The following ACAD10 variants were observed in gnomAD, a reference collection of about 807,000 sequenced individuals.
ACAD10 encodes acyl-CoA dehydrogenase family member 10.
Under a neutral mutation model 116.8 loss-of-function variants are expected in ACAD10, and 112 were observed. That is an observed-to-expected ratio of 0.96 (90% CI 0.82 to 1.12). ACAD10 has a LOEUF of 1.12. ACAD10 is among the 50% of genes most tolerant of loss of function. The pLI, the probability that ACAD10 is intolerant of heterozygous loss-of-function variation, is 0.00. For missense variants in ACAD10, 1,259 were observed against 1,350.2 expected, an observed-to-expected ratio of 0.93 and a Z score of 1.06; for synonymous variants, 486 against 510.6, an observed-to-expected ratio of 0.95 and a Z score of 0.65.
chr12:111,716,203 C>T (rs1888842378), intron 7 of ACAD10, among the ~76,000 whole-genome samples: 1 of 151,970 alleles, frequency 6.6e-6, no homozygotes, highest in Non-Finnish European at 1.5e-5. Flanking sequence ...TGTTTCTACC[C>T]CCCATCCCCC....
At chr12:111,734,406 T>A (rs1367000706) in intron 11 of ACAD10, among the ~76,000 whole-genome samples, 7 of 152,126 alleles carry the variant, frequency 4.6e-5, no homozygotes, top group African/African-American at 1.7e-4. Context: ...GGCGGGTGGA[T>A]CACAAGGTCA....
rs755651114 is a variant in ACAD10 at position 111,755,875 on chromosome 12, A to G, written c.3039+130A>G. 4 of 958,162 alleles carry G rather than the reference A, an allele frequency of 4.2e-6. No individual in the cohort carries two copies. In the South Asian group the frequency reaches 5.3e-5, roughly 13 times the overall value. 59.4% of individuals were successfully genotyped at this position (958,162 alleles called of 1,614,324 possible). The stretch of plus-strand genomic sequence containing the variant: ...GTGTCACCCACTCACCATGCATGCA[A>G]CTTTCCTTTTCCTCTTCAGAATGAC... On this transcript the variant is annotated intron_variant, in intron 20 of 20. Transcript: ENST00000313698.
chr12:111,746,103 A>G, intron 13 of ACAD10, 41 bp from the exon 14 acceptor site: 1 of 1,596,018 alleles, frequency 6.3e-7, no homozygotes, highest in Non-Finnish European at 8.5e-7. Context: ...ATAAAATGAA[A>G]TCTTCCACTG....
intron 6 of ACAD10, among the ~76,000 whole-genome samples, chr12:111,713,294 G>C (rs1251130760): frequency 6.6e-6 from 1 of 151,106 alleles, no homozygotes; most frequent in Non-Finnish European, 1.5e-5. Context: ...CTGGGTGACA[G>C]AGCAAGACTC....
intron 8 of ACAD10, among the ~76,000 whole-genome samples, chr12:111,723,286 A>C (rs1185973578): frequency 1.9e-5 from 2 of 105,844 alleles, no homozygotes; most frequent in African/African-American, 3.8e-5. Flanking sequence ...GGCGCCCCTC[A>C]CCTCCCAGAC....
At position 111,746,187 on chromosome 12, in the gene ACAD10, T is replaced by TAAG. The variant is rs1368217859; in HGVS notation, c.2160_2161insAGA (p.Leu720_Glu721insArg). The TAAG allele has an allele frequency of 6.2e-7, 1 of 1,613,946 alleles. No homozygotes were observed. The highest frequency in any genetic ancestry group is 1.3e-5 in the African/African-American group (1 of 74,908). On this transcript the variant is annotated inframe_insertion, in exon 14 of 21. Coordinates refer to ENST00000313698, the MANE Select transcript of ACAD10 (RefSeq NM_025247.6). ...GGACTTTGGAACCTTTTCCTACCCT[T>TAAG]AGAGGCTGATCCCGAGAAAAAATAC...
chr12:111,712,768 T>A, intron 6 of ACAD10, 111 bp downstream of exon 6: 1 of 1,259,238 alleles, frequency 7.9e-7, no homozygotes, highest in Non-Finnish European at 1.1e-6. Context: ...AGCTTTACAG[T>A]GAGGAAAATA....
Position 111,753,829 on chromosome 12 carries a change from G to A in ACAD10, c.2875G>A (p.Asp959Asn), listed in dbSNP as rs769742789. 3.1e-6 allele frequency: 5 copies of A among 1,613,936 alleles called. No individual in the cohort carries two copies. The East Asian group carries it at 8.9e-5, about 29-fold the overall frequency. Residue 959 changes from aspartate (D) to asparagine (N), a missense_variant, in exon 19 of 21, where the codon GAC (aspartate) becomes AAC (asparagine). Physicochemically the swap from Asp to Asn is conservative, Grantham distance 23 (BLOSUM62 1). Coordinates refer to ENST00000313698, the MANE Select transcript of ACAD10 (RefSeq NM_025247.6). Reference protein sequence around the residue: ...PLVEQGTVLADIAQSRVEIEQ... With the variant: ...PLVEQGTVLANIAQSRVEIEQ... ...GGTGGAGCAGGGCACAGTGCTGGCG[G>A]ACATCGCGCAGTCGCGCGTGGAGAT...
At chr12:111,697,263 C>T (rs1351682594) in intron 2 of ACAD10, among the ~76,000 whole-genome samples, 1 of 151,450 alleles carries the variant, frequency 6.6e-6, no homozygotes, top group Non-Finnish European at 1.5e-5. Flanking sequence ...AAATTGAATT[C>T]AGAGGGTATA....
At chr12:111,692,928 A>T in intron 2 of ACAD10, 32 bp downstream of exon 2, 1 of 1,606,236 alleles carries the variant, frequency 6.2e-7, no homozygotes, top group Non-Finnish European at 8.5e-7. Flanking sequence ...ACTTTGTGGG[A>T]CTAGAGTGGT....
intron 11 of ACAD10, among the ~76,000 whole-genome samples, chr12:111,735,340 A>G (rs1242160705): frequency 6.6e-6 from 1 of 152,190 alleles, no homozygotes; most frequent in East Asian, 1.9e-4. Context: ...GGCAGTGAAC[A>G]TCCTTGTAGT....
intron 2 of ACAD10, 137 bp downstream of exon 2, chr12:111,693,033 CA>C: frequency 1.1e-6 from 1 of 915,378 alleles, no homozygotes. Flanking sequence ...AGTCGAATTC[CA>C]AGCACCACTA....
At chr12:111,745,454 T>C in intron 13 of ACAD10, 2 of 263,014 alleles carry the variant, frequency 7.6e-6, no homozygotes, top group Non-Finnish European at 1.4e-5. Context: ...TGTCTCCCAG[T>C]GCTGTCACTT....
At chr12:111,708,619 C>T (rs1380739456) in intron 4 of ACAD10, among the ~76,000 whole-genome samples, 1 of 152,104 alleles carries the variant, frequency 6.6e-6, no homozygotes, top group Admixed American at 6.6e-5. Flanking sequence ...CTGGGTTTGT[C>T]CTTGGCCTTG....
At chr12:111,736,062 T>C (rs1019385852) in intron 11 of ACAD10, among the ~76,000 whole-genome samples, 10 of 151,958 alleles carry the variant, frequency 6.6e-5, no homozygotes, top group African/African-American at 2.4e-4. Flanking sequence ...GTATTTTCAG[T>C]AGAGACAGGG....
At chr12:111,722,581 A>G (rs1889047826) in intron 8 of ACAD10, among the ~76,000 whole-genome samples, 1 of 151,666 alleles carries the variant, frequency 6.6e-6, no homozygotes, top group Non-Finnish European at 1.5e-5. Flanking sequence ...GGGAGTGGTG[A>G]TGACTCTTAA....
chr12:111,714,036 G>A (rs1323138784), intron 6 of ACAD10, among the ~76,000 whole-genome samples: 2 of 152,068 alleles, frequency 1.3e-5, no homozygotes, highest in African/African-American at 4.8e-5. Context: ...TCTGAGGTCA[G>A]GAGTTTGAGA....
chr12:111,748,443 C>T lies in ACAD10; in HGVS notation c.2612C>T (p.Pro871Leu), dbSNP rs1177143854. 6.2e-7 allele frequency: 1 copy of T among 1,613,886 alleles called. No homozygotes were observed. The highest frequency in any genetic ancestry group is 8.5e-7 in the Non-Finnish European group (1 of 1,180,046). ...MDTPGIKIIR[P>L]LTVYGLEDAP... The stretch of plus-strand genomic sequence containing the variant: ...ACCCCAGGGATAAAAATCATCCGGC[C>T]TCTGACGGTGTATGGACTGGAAGAT... Residue 871 changes from proline to leucine, a missense_variant, in exon 17 of 21, where the codon CCT becomes CTT. Transcript: ENST00000313698.
intron 4 of ACAD10, among the ~76,000 whole-genome samples, chr12:111,706,609 C>T (rs1888512413): frequency 6.6e-6 from 1 of 151,678 alleles, no homozygotes; most frequent in Admixed American, 6.6e-5. Flanking sequence ...GCCACCATGC[C>T]TGGCTAATTT....
Sources: allele counts gnomAD v4.1 joint callset (sites outside exome capture counted in the v4.1 genomes callset), GRCh38; gene constraint gnomAD v4.1.1; transcripts MANE v1.5; gene names NCBI Gene and HGNC (gene_info 2026-07-23, HGNC 2026-07-21).